The following ACO2 variants were observed in gnomAD, a reference collection of about 807,000 sequenced individuals.
ACO2 encodes the protein aconitase 2, also known as aconitate hydratase, mitochondrial.
A neutral mutation model predicts 84.5 loss-of-function variants in ACO2; 31 were observed. That is an observed-to-expected ratio of 0.37 (90% confidence interval 0.28 to 0.50). The LOEUF (loss-of-function observed/expected upper bound fraction) is 0.50, where lower values mean the gene tolerates loss of function less well. Among genes scored for constraint, ACO2 ranks in the 20% least tolerant of loss-of-function variants. The pLI, the probability that ACO2 is intolerant of heterozygous loss-of-function variation, is 0.97. For synonymous variants in ACO2, 414 were observed against 412.7 expected (o/e 1.00, Z -0.04); for missense variants, 685 against 1,029.3 (o/e 0.67, Z 4.58).
intron 1 of ACO2, among the ~76,000 whole-genome samples, chr22:41,478,834 G>A (rs1244669494): frequency 2.0e-5 from 3 of 146,756 alleles, no homozygotes; most frequent in African/African-American, 7.6e-5. Context: ...TGAGTGACAC[G>A]ATCTCTGCTC....
chr22:41,498,557 G>C (rs755239981), intron 1 of ACO2, among the ~76,000 whole-genome samples: 5 of 152,116 alleles, frequency 3.3e-5, no homozygotes, highest in African/African-American at 1.2e-4. Flanking sequence ...TGGAGCATTC[G>C]CTTGCAAGAT....
chr22:41,484,395 TACCA>T (rs1229783208), intron 1 of ACO2, among the ~76,000 whole-genome samples: 14 of 152,172 alleles, frequency 9.2e-5, no homozygotes, highest in African/African-American at 3.1e-4. Flanking sequence ...AGATATCCTG[TACCA>T]GGCCAGGGAG....
intron 1 of ACO2, among the ~76,000 whole-genome samples, chr22:41,471,504 C>T (rs2037945911): frequency 6.6e-6 from 1 of 152,128 alleles, no homozygotes; most frequent in Admixed American, 6.5e-5. Context: ...TCATTCCTAC[C>T]TCATTCACCA....
At chr22:41,495,766 G>A (rs567845497) in intron 1 of ACO2, among the ~76,000 whole-genome samples, 14 of 151,424 alleles carry the variant, frequency 9.2e-5, no homozygotes, top group Middle Eastern at 3.4e-3. Flanking sequence ...GGCTACAGGC[G>A]CCCGCCACCA....
Position 41,525,468 on chromosome 22 carries a change from G to T in ACO2, c.1761+120G>T, listed in dbSNP as rs1473133451. 3.8e-6 allele frequency: 5 copies of T among 1,299,814 alleles called. No homozygotes were observed. The African/African-American group carries it at 4.4e-5, about 11-fold the overall frequency. 80.5% of individuals were successfully genotyped at this position (1,299,814 alleles called of 1,614,324 possible). A position where few individuals can be genotyped will look rare whatever the true frequency, so the allele number is the denominator to read the frequency against. ...ACAGTCAAGACGCAGGTGGGAGATG[G>T]AAGGGAGGTTTGGCTGCAGAGCAGA... is the stretch of plus-strand genomic sequence containing the variant. On this transcript the variant is annotated intron_variant, in intron 14 of 17. Coordinates refer to ENST00000216254, the MANE Select transcript of ACO2 (RefSeq NM_001098.3).
intron 9 of ACO2, chr22:41,521,545 A>C (rs1397220427): frequency 6.6e-6 from 1 of 152,226 alleles, no homozygotes; most frequent in Admixed American, 6.5e-5. Flanking sequence ...TGCTATCACC[A>C]ATGAGAAAAA....
At chr22:41,523,674 G>A (rs949281285) in intron 11 of ACO2, among the ~76,000 whole-genome samples, 156 bp from the exon 12 acceptor site, 2 of 152,190 alleles carry the variant, frequency 1.3e-5, no homozygotes, top group Admixed American at 6.5e-5. Context: ...TGCTCTGCGC[G>A]TGGCCCCAGG....
chr22:41,504,861 C>T (rs1297907737), intron 2 of ACO2, among the ~76,000 whole-genome samples: 1 of 151,702 alleles, frequency 6.6e-6, no homozygotes, highest in African/African-American at 2.4e-5. Context: ...GTATCTGGGA[C>T]TATAGGCACA....
At chr22:41,500,444 G>A (rs186908568) in intron 2 of ACO2, among the ~76,000 whole-genome samples, 75 of 151,102 alleles carry the variant, frequency 5.0e-4, no homozygotes, top group Non-Finnish European at 7.5e-4. Context: ...GATTGCAGTG[G>A]TGCAATCTTG....
intron 16 of ACO2, 186 bp downstream of exon 16, chr22:41,527,606 G>A (rs1467210621): frequency 1.0e-5 from 9 of 891,310 alleles, no homozygotes; most frequent in African/African-American, 3.4e-5. Context: ...CCGGCTTCCC[G>A]CAGGCCCTGC....
chr22:41,469,826 G>C (rs1034158971), intron 1 of ACO2, among the ~76,000 whole-genome samples: 13 of 74,316 alleles, frequency 1.7e-4, no homozygotes, highest in African/African-American at 6.8e-4. Flanking sequence ...GGAATGAGGT[G>C]GTTTTTCTCA....
chr22:41,488,324 C>T (rs980579541), intron 1 of ACO2, among the ~76,000 whole-genome samples: 5 of 152,204 alleles, frequency 3.3e-5, no homozygotes, highest in Non-Finnish European at 1.5e-5. Context: ...CATGCTGAGC[C>T]TGCCGGTTGC....
rs894519509 is a variant in ACO2 at position 41,527,642 on chromosome 22, T to TA, written c.2086+222_2086+223insA. The TA allele has an allele frequency of 1.1e-4, 88 of 797,892 alleles. No individual in the cohort carries two copies. In the African/African-American group the frequency reaches 1.4e-3, roughly 13 times the overall value. The allele number at this position is 797,892 out of a possible 1,614,324, so 49.4% of individuals were successfully genotyped here. ...TTCCAGGCTTGTAGATCTGAGCCGCTGAGATCTAGGACATGTGCCAGGGGG... is the reference window on the plus strand; with the variant it reads ...TTCCAGGCTTGTAGATCTGAGCCGCTAGAGATCTAGGACATGTGCCAGGGGG... On this transcript the variant is annotated intron_variant, in intron 16 of 17. Transcript: ENST00000216254.
At chr22:41,512,042 G>A in intron 4 of ACO2, 74 bp downstream of exon 4, 2 of 1,223,310 alleles carry the variant, frequency 1.6e-6, no homozygotes, top group Non-Finnish European at 2.3e-6. Context: ...GGGGGGAGGG[G>A]GTTTGAGGCC....
chr22:41,506,215 G>A lies in ACO2; in HGVS notation c.174-1576G>A, dbSNP rs569379859. Among the ~76,000 whole-genome samples the A allele has an allele frequency of 3.9e-5, 6 of 151,902 alleles. No homozygotes were observed. The East Asian group carries it at 9.7e-4, about 25-fold the overall frequency. ...TGATCCTCCCGCCTCAGCCTCCTGCGTAGTTGGGACTACAGGCACGCATCA... is the reference window on the plus strand; with the variant it reads ...TGATCCTCCCGCCTCAGCCTCCTGCATAGTTGGGACTACAGGCACGCATCA... On this transcript the variant is annotated intron_variant, in intron 2 of 17. Coordinates refer to ENST00000216254, the MANE Select transcript of ACO2 (RefSeq NM_001098.3).
At chr22:41,525,400 C>A in intron 14 of ACO2, 52 bp downstream of exon 14, 1 of 1,602,028 alleles carries the variant, frequency 6.2e-7, no homozygotes, top group Non-Finnish European at 8.5e-7. Context: ...GGCCCCCCGT[C>A]CCCTGAGCAT....
chr22:41,484,341 T>C (rs2038125044), intron 1 of ACO2, among the ~76,000 whole-genome samples: 1 of 152,146 alleles, frequency 6.6e-6, no homozygotes, highest in Non-Finnish European at 1.5e-5. Flanking sequence ...CATGGACTAG[T>C]GCTTGGTGCC....
rs151134505 is a variant in ACO2 at position 41,527,276 on chromosome 22, C to T, written c.1954-12C>T. 2,265 of 1,614,186 alleles carry T rather than the reference C, an allele frequency of 1.4e-3. 21 individuals carry two copies. The Middle Eastern group carries it at 0.02, about 14-fold the overall frequency. ...CCTCTGCCTTATAACCTTACCCCCG[C>T]TTGCCTGACAGAAACATGGCATCAG... On this transcript the variant is annotated splice_polypyrimidine_tract_variant and intron_variant, in intron 15 of 17. Coordinates refer to ENST00000216254, the MANE Select transcript of ACO2 (RefSeq NM_001098.3).
At position 41,528,796 on chromosome 22, in the gene ACO2, T is replaced by A. The variant is rs1240303390; in HGVS notation, c.*183T>A. ...TGGGGGGGTTCTTAAAATAACTTTT[T>A]AGCCCCCGTCTTCCTATTTTGAGTT... On this transcript the variant is annotated 3_prime_UTR_variant, in exon 18 of 18. Transcript: ENST00000216254. 5 of 794,500 alleles carry A rather than the reference T, an allele frequency of 6.3e-6. No individual in the cohort carries two copies. Among genetic ancestry groups the A allele is most frequent in the Non-Finnish European group, 9.6e-6 (5 of 523,106 alleles). 49.2% of individuals were successfully genotyped at this position (794,500 alleles called of 1,614,324 possible).
Sources: allele counts gnomAD v4.1 joint callset (sites outside exome capture counted in the v4.1 genomes callset), GRCh38; gene constraint gnomAD v4.1.1; transcripts MANE v1.5; gene names NCBI Gene and HGNC (gene_info 2026-07-23, HGNC 2026-07-21).